The following CDK6 variants were observed in gnomAD, a reference collection of about 807,000 sequenced individuals.
The protein encoded by CDK6 is cyclin dependent kinase 6.
A neutral mutation model predicts 37.1 loss-of-function variants in CDK6; 6 were observed. The observed-to-expected ratio is 0.16, with a 90% CI of 0.09 to 0.32. The LOEUF (loss-of-function observed/expected upper bound fraction) is 0.32, where lower values mean the gene tolerates loss of function less well. Among genes scored for constraint, CDK6 ranks in the 10% least tolerant of loss-of-function variants. CDK6 has a pLI of 1.00. For synonymous variants in CDK6, 160 were observed against 161.3 expected, an observed-to-expected ratio of 0.99 and a Z score of 0.06; for missense variants, 224 against 418.9, an observed-to-expected ratio of 0.53 and a Z score of 4.06.
chr7:92,812,528 T>C (rs1282973954), intron 2 of CDK6, among the ~76,000 whole-genome samples: 2 of 152,002 alleles, frequency 1.3e-5, no homozygotes, highest in African/African-American at 4.8e-5. Flanking sequence ...AGCCTTGATC[T>C]TCCCACCTCA....
intron 5 of CDK6, among the ~76,000 whole-genome samples, chr7:92,650,101 CAAG>C (rs371506564): frequency 1.6e-3 from 249 of 152,342 alleles, no homozygotes; most frequent in African/African-American, 5.5e-3. Context: ...AGTAAACAAA[CAAG>C]AAGCTACAAA....
intron 2 of CDK6, among the ~76,000 whole-genome samples, chr7:92,823,085 T>G (rs1288541860): frequency 4.0e-5 from 6 of 150,804 alleles, no homozygotes; most frequent in African/African-American, 1.5e-4. Flanking sequence ...CTTACTTTTA[T>G]CAACTAAAGT....
chr7:92,831,705 A>T (rs1801486274), intron 2 of CDK6, among the ~76,000 whole-genome samples: 1 of 152,214 alleles, frequency 6.6e-6, no homozygotes, highest in African/African-American at 2.4e-5. Context: ...TTAACTTTAT[A>T]ACCATTTACT....
chr7:92,815,525 T>C (rs975505824), intron 2 of CDK6, among the ~76,000 whole-genome samples: 7 of 152,116 alleles, frequency 4.6e-5, no homozygotes, highest in African/African-American at 1.4e-4. Context: ...GGACTATAGG[T>C]AGTAGAGGAC....
intron 4 of CDK6, among the ~76,000 whole-genome samples, chr7:92,704,540 C>T (rs1406112911): frequency 6.6e-6 from 1 of 152,084 alleles, no homozygotes; most frequent in African/African-American, 2.4e-5. Context: ...TATAAATATA[C>T]CTAAATAATA....
rs372523914 is a variant in CDK6, at chr7:92,672,134, C to CATATATATATATATATAT, written c.538-617_538-600dup. On this transcript the variant is annotated intron_variant, in intron 4 of 7. Coordinates refer to ENST00000424848, the MANE Select transcript of CDK6 (RefSeq NM_001145306.2). ...AACCACTTGTACCCCAAAAGCTGTA[C>CATATATATATATATATAT]ATATATATATATATATATATATATA... 9.0e-4 allele frequency among the ~76,000 whole-genome samples: 59 copies of CATATATATATATATATAT among 65,392 alleles called. 1 individual carries two copies. Among genetic ancestry groups the CATATATATATATATATAT allele is most frequent in the African/African-American group, 3.5e-3 (49 of 14,122 alleles). 42.9% of individuals were successfully genotyped at this position (65,392 alleles called of 152,430 possible). A position where few individuals can be genotyped will look rare whatever the true frequency, so the allele number is the denominator to read the frequency against.
At chr7:92,645,507 A>G (rs1796427057) in intron 5 of CDK6, among the ~76,000 whole-genome samples, 1 of 152,248 alleles carries the variant, frequency 6.6e-6, no homozygotes, top group Non-Finnish European at 1.5e-5. Context: ...GCAGCATTAG[A>G]AACCATGGTT....
At chr7:92,635,474 T>C (rs1796149371) in intron 5 of CDK6, among the ~76,000 whole-genome samples, 1 of 152,226 alleles carries the variant, frequency 6.6e-6, no homozygotes, top group African/African-American at 2.4e-5. Flanking sequence ...GCTTCTGTCG[T>C]ACTCCATATC....
chr7:92,814,298 T>C (rs974609249), intron 2 of CDK6, among the ~76,000 whole-genome samples: 1 of 152,098 alleles, frequency 6.6e-6, no homozygotes, highest in Non-Finnish European at 1.5e-5. Context: ...CTCCAGATGG[T>C]TATACTGTCC....
chr7:92,734,054 A>G (rs946482117), intron 3 of CDK6, among the ~76,000 whole-genome samples: 1 of 152,146 alleles, frequency 6.6e-6, no homozygotes, highest in Non-Finnish European at 1.5e-5. Flanking sequence ...CATTTTATTG[A>G]GTGCCCACAC....
At chr7:92,821,377 C>T (rs1200147887) in intron 2 of CDK6, among the ~76,000 whole-genome samples, 1 of 152,122 alleles carries the variant, frequency 6.6e-6, no homozygotes, top group Non-Finnish European at 1.5e-5. Flanking sequence ...GCCATTCTCA[C>T]TGTGCTCTGT....
chr7:92,753,247 A>G (rs1365932206), intron 3 of CDK6, among the ~76,000 whole-genome samples: 1 of 152,214 alleles, frequency 6.6e-6, no homozygotes, highest in Admixed American at 6.5e-5. Context: ...CAGCAACAAG[A>G]GTAGATGAAA....
chr7:92,676,486 A>G (rs1014190145), intron 4 of CDK6, among the ~76,000 whole-genome samples: 1 of 152,152 alleles, frequency 6.6e-6, no homozygotes, highest in African/African-American at 2.4e-5. Context: ...GGTTTGTCTT[A>G]TATAAATCCT....
At chr7:92,715,411 C>T (rs1173358355) in intron 4 of CDK6, among the ~76,000 whole-genome samples, 1 of 152,190 alleles carries the variant, frequency 6.6e-6, no homozygotes, top group East Asian at 1.9e-4. Flanking sequence ...TTCTCCTACG[C>T]TTTCCCCTTT....
chr7:92,617,387 G>A (rs1352786408), intron 7 of CDK6, among the ~76,000 whole-genome samples: 2 of 152,194 alleles, frequency 1.3e-5, no homozygotes, highest in East Asian at 1.9e-4. Flanking sequence ...CTTCACCCAC[G>A]GGCAGAAGCA....
At chr7:92,769,115 G>A (rs1799650228) in intron 3 of CDK6, among the ~76,000 whole-genome samples, 1 of 152,162 alleles carries the variant, frequency 6.6e-6, no homozygotes. Flanking sequence ...AAAAACAGGT[G>A]CTATTAACAG....
intron 4 of CDK6, among the ~76,000 whole-genome samples, chr7:92,716,818 T>A (rs1463019874): frequency 6.6e-6 from 1 of 152,164 alleles, no homozygotes; most frequent in Non-Finnish European, 1.5e-5. Context: ...GATGGAATTA[T>A]CTCATTAAAT....
intron 3 of CDK6, among the ~76,000 whole-genome samples, chr7:92,755,677 A>G (rs1179059816): frequency 6.6e-6 from 1 of 152,220 alleles, no homozygotes; most frequent in Non-Finnish European, 1.5e-5. Flanking sequence ...CAGGACTCCA[A>G]TCTCCAAAGT....
intron 5 of CDK6, among the ~76,000 whole-genome samples, chr7:92,642,001 G>A (rs905191761): frequency 9.2e-5 from 14 of 152,118 alleles, no homozygotes; most frequent in Non-Finnish European, 2.1e-4. Flanking sequence ...ATTTTCATCT[G>A]AGTGACTGAG....
Sources: allele counts gnomAD v4.1 joint callset (sites outside exome capture counted in the v4.1 genomes callset), GRCh38; gene constraint gnomAD v4.1.1; transcripts MANE v1.5; gene names NCBI Gene and HGNC (gene_info 2026-07-23, HGNC 2026-07-21).